Variants in UPF2 observed in about 807,000 individuals in gnomAD.
UPF2 encodes the protein regulator of nonsense transcripts 2.
UPF2 carries 17 observed loss-of-function variants against 141.4 expected under a neutral mutation model. The ratio of observed to expected loss-of-function variants is 0.12; its 90% CI spans 0.08 to 0.18. UPF2 has a LOEUF of 0.18. UPF2 is among the 10% of genes least tolerant of loss of function. The pLI is 1.00. For missense variants in UPF2, 1,152 were observed against 1,515.9 expected, an observed-to-expected ratio of 0.76 and a Z score of 3.99; for synonymous variants, 540 against 498.0, an observed-to-expected ratio of 1.08 and a Z score of -1.12.
chr10:11,927,064 C>G (rs1832722152), intron 21 of UPF2, among the ~76,000 whole-genome samples: 1 of 152,210 alleles, frequency 6.6e-6, no homozygotes, highest in Admixed American at 6.5e-5. Context: ...GTGGAATTAT[C>G]TTTCAAGTAC....
At chr10:11,934,376 T>G (rs1341582094) in intron 19 of UPF2, among the ~76,000 whole-genome samples, 1 of 152,102 alleles carries the variant, frequency 6.6e-6, no homozygotes, top group Non-Finnish European at 1.5e-5. Context: ...GGAATGGGGA[T>G]GTGCCAGAGC....
chr10:12,034,460 C>A (rs1433850667), intron 2 of UPF2, among the ~76,000 whole-genome samples: 1 of 151,910 alleles, frequency 6.6e-6, no homozygotes, highest in Non-Finnish European at 1.5e-5. Context: ...GTAACTGGGA[C>A]TACAGGCATG....
At chr10:11,958,325 T>C (rs140977062) in intron 12 of UPF2, among the ~76,000 whole-genome samples, 140 of 152,346 alleles carry the variant, frequency 9.2e-4, no homozygotes, top group Non-Finnish European at 1.8e-3. Context: ...TATTAGCCAA[T>C]TGCAAAGTAA....
chr10:12,012,567 C>A (rs1022921139), intron 4 of UPF2, among the ~76,000 whole-genome samples: 1 of 151,732 alleles, frequency 6.6e-6, no homozygotes, highest in African/African-American at 2.4e-5. Context: ...CGGCCCACAG[C>A]CAATTCTCAA....
rs888485449 is a variant in UPF2 at position 11,956,039 on chromosome 10, C to A, written c.2574+281G>T. Among the ~76,000 whole-genome samples, 2 of 151,340 alleles carry A rather than the reference C, an allele frequency of 1.3e-5. No individual in the cohort carries two copies. The highest frequency in any genetic ancestry group is 4.9e-5 in the African/African-American group (2 of 41,158). On this transcript the variant is annotated intron_variant, in intron 13 of 21. Transcript: ENST00000357604. The surrounding 1 kb of genome is among the most constrained non-coding windows in gnomAD (Gnocchi z 4.2). ...TGCACCTGTAGTAGTCCCAGCTACT[C>A]GGGAAGTTGAAACAGGAGAATTGCT...
rs1485371949 is a variant in UPF2, at chr10:11,998,124, A to G, written c.1759-367T>C. Among the ~76,000 whole-genome samples the G allele has an allele frequency of 9.9e-5, 15 of 152,186 alleles. No homozygotes were observed. Among genetic ancestry groups the G allele is most frequent in the Non-Finnish European group, 1.5e-5 (1 of 68,030 alleles). ...TGGTAATGTTAGGGTTTAGAAAGCA[A>G]TACCCCAAAATATGGCTCTTTGGAT... On this transcript the variant is annotated intron_variant, in intron 7 of 21. Transcript: ENST00000357604. This position sits in a 1 kb window ranked among gnomAD's most constrained non-coding sequence, Gnocchi z 4.5.
chr10:12,020,319 T>C (rs1834295754), intron 3 of UPF2, among the ~76,000 whole-genome samples: 1 of 152,066 alleles, frequency 6.6e-6, no homozygotes, highest in African/African-American at 2.4e-5. Context: ...TGGCGCAATC[T>C]CGGCTCACCG....
At chr10:11,922,721 A>G (rs962888290) in intron 21 of UPF2, among the ~76,000 whole-genome samples, 3 of 152,176 alleles carry the variant, frequency 2.0e-5, no homozygotes, top group African/African-American at 7.2e-5. Flanking sequence ...CAATTCTACA[A>G]TGGACTCTAT....
chr10:11,969,212 G>A (rs961276428), intron 9 of UPF2, among the ~76,000 whole-genome samples: 19 of 151,288 alleles, frequency 1.3e-4, no homozygotes, highest in Non-Finnish European at 2.5e-4. Flanking sequence ...CTGTTGCTCA[G>A]GCTGGAGTGC....
chr10:12,021,703 G>A (rs945261156), intron 3 of UPF2, among the ~76,000 whole-genome samples: 3 of 152,126 alleles, frequency 2.0e-5, no homozygotes, highest in African/African-American at 7.2e-5. Context: ...TTTTAACTTT[G>A]CCCTTGTGCA....
chr10:12,038,093 T>C (rs1434901651), intron 1 of UPF2, among the ~76,000 whole-genome samples: 1 of 152,036 alleles, frequency 6.6e-6, no homozygotes, highest in East Asian at 1.9e-4. Context: ...TTTAAAATCG[T>C]CATTAGGGGC....
chr10:11,920,590 GCT>G lies in UPF2; in HGVS notation c.*706_*707del. 6.2e-6 allele frequency: 1 copy of G among 161,622 alleles called. No homozygotes were observed. The highest frequency in any genetic ancestry group is 1.8e-4 in the East Asian group (1 of 5,712). 10.0% of individuals were successfully genotyped at this position (161,622 alleles called of 1,614,324 possible). On this transcript the variant is annotated 3_prime_UTR_variant, in exon 22 of 22. Coordinates refer to ENST00000357604, the MANE Select transcript of UPF2 (RefSeq NM_015542.4). The stretch of plus-strand genomic sequence containing the variant: ...ACTTTTCTAAGCCATCTGAATTAAT[GCT>G]CTCTGTATAGTAAAATAGTCTCCAC...
chr10:11,973,198 A>G (rs1262294200), intron 9 of UPF2, among the ~76,000 whole-genome samples: 6 of 152,220 alleles, frequency 3.9e-5, no homozygotes, highest in Non-Finnish European at 7.4e-5. Context: ...AGAAGTGTCT[A>G]TTCATATCCT....
chr10:12,017,953 G>A (rs536446564), intron 3 of UPF2, among the ~76,000 whole-genome samples: 4 of 151,936 alleles, frequency 2.6e-5, no homozygotes, highest in African/African-American at 4.8e-5. Flanking sequence ...GTCTTACACC[G>A]AGCACTTGGT....
intron 8 of UPF2, among the ~76,000 whole-genome samples, chr10:11,981,137 T>G (rs995616425): frequency 6.6e-6 from 1 of 152,090 alleles, no homozygotes; most frequent in Non-Finnish European, 1.5e-5. Context: ...CACTCCAGTC[T>G]GGGCCACAGA....
At chr10:12,007,298 A>G (rs1834050243) in intron 4 of UPF2, among the ~76,000 whole-genome samples, 1 of 152,210 alleles carries the variant, frequency 6.6e-6, no homozygotes, top group African/African-American at 2.4e-5. Context: ...ATTACTATCA[A>G]GCTGTTAAGA....
intron 1 of UPF2, among the ~76,000 whole-genome samples, chr10:12,037,382 G>C (rs1834649374): frequency 6.7e-6 from 1 of 149,588 alleles, no homozygotes; most frequent in Admixed American, 6.7e-5. Context: ...GTGTTTTTGA[G>C]CTTTAGTGTT....
intron 6 of UPF2, among the ~76,000 whole-genome samples, chr10:12,001,031 T>C (rs879845992): frequency 2.4e-4 from 36 of 152,310 alleles, no homozygotes; most frequent in Middle Eastern, 3.4e-3. Flanking sequence ...TGTCATAGAA[T>C]TAAATCAATC....
At chr10:11,925,343 G>C (rs962223032) in intron 21 of UPF2, among the ~76,000 whole-genome samples, 2 of 152,296 alleles carry the variant, frequency 1.3e-5, no homozygotes, top group East Asian at 3.9e-4. Context: ...TCTTAAAACA[G>C]GTTGAGTGGC....
Sources: gnomAD v4.1 joint callset for allele counts (sites outside exome capture counted in the v4.1 genomes callset) on GRCh38, gnomAD v4.1.1 for gene constraint, Gnocchi (gnomAD v3.1) non-coding constraint, MANE v1.5 for transcripts, NCBI Gene and HGNC (gene_info 2026-07-23, HGNC 2026-07-21) for gene names.